The following GRID2 variants were observed in gnomAD, a reference collection of about 807,000 sequenced individuals.
GRID2 encodes the protein glutamate receptor ionotropic, delta-2.
A neutral mutation model predicts 114.8 loss-of-function variants in GRID2; 33 were observed. The observed-to-expected ratio is 0.29, with a 90% CI of 0.22 to 0.38. GRID2 has a LOEUF of 0.38. Among genes scored for constraint, GRID2 ranks in the 10% least tolerant of loss-of-function variants. The probability of loss-of-function intolerance (pLI) is 1.00; values close to 1 mark genes in which losing one functional copy is unlikely to be tolerated. For missense variants in GRID2, 1,184 were observed against 1,257.7 expected (o/e 0.94, Z 0.89); for synonymous variants, 505 against 449.9 (o/e 1.12, Z -1.55).
intron 4 of GRID2, among the ~76,000 whole-genome samples, chr4:93,139,449 G>A (rs1016788046): frequency 1.3e-5 from 2 of 152,168 alleles, no homozygotes; most frequent in Non-Finnish European, 2.9e-5. Flanking sequence ...GGGGGATGAT[G>A]GAGGTAGATC....
intron 2 of GRID2, among the ~76,000 whole-genome samples, chr4:92,740,476 G>T (rs1736817772): frequency 6.6e-6 from 1 of 152,132 alleles, no homozygotes; most frequent in African/African-American, 2.4e-5. Flanking sequence ...AACAGAGAGG[G>T]ATTATGCCAC....
At chr4:92,837,792 G>T (rs765958605) in intron 2 of GRID2, among the ~76,000 whole-genome samples, 1 of 151,952 alleles carries the variant, frequency 6.6e-6, no homozygotes, top group Non-Finnish European at 1.5e-5. Context: ...TTAATTGCAC[G>T]CAAATACATG....
intron 2 of GRID2, among the ~76,000 whole-genome samples, chr4:92,603,901 A>G (rs1327560332): frequency 6.6e-6 from 1 of 152,034 alleles, no homozygotes; most frequent in African/African-American, 2.4e-5. Context: ...CAAAAATAAA[A>G]TAAAAAAACA....
At chr4:92,547,282 T>C (rs17019545) in intron 1 of GRID2, among the ~76,000 whole-genome samples, 1 of 152,140 alleles carries the variant, frequency 6.6e-6, no homozygotes, top group Non-Finnish European at 1.5e-5. Context: ...TAGAATTAGC[T>C]TACCTTACTG....
chr4:92,738,951 C>G (rs1434784), intron 2 of GRID2, among the ~76,000 whole-genome samples: 1 of 151,866 alleles, frequency 6.6e-6, no homozygotes, highest in African/African-American at 2.4e-5. Context: ...TACAGGCAGG[C>G]GCCGTAACAC....
chr4:93,722,412 A>G (rs1207695717), intron 14 of GRID2, among the ~76,000 whole-genome samples: 1 of 152,200 alleles, frequency 6.6e-6, no homozygotes, highest in Non-Finnish European at 1.5e-5. Context: ...TTCTAAACTC[A>G]GAAACATATT....
chr4:92,776,969 A>G (rs1197001967), intron 2 of GRID2, among the ~76,000 whole-genome samples: 2 of 152,096 alleles, frequency 1.3e-5, no homozygotes, highest in African/African-American at 4.8e-5. Flanking sequence ...TAATTTTATC[A>G]CATAATTAAG....
chr4:93,107,609 G>T (rs575278263), intron 3 of GRID2, among the ~76,000 whole-genome samples: 113 of 152,190 alleles, frequency 7.4e-4, no homozygotes, highest in African/African-American at 2.6e-3. Flanking sequence ...CACAATCTCA[G>T]CTCACTGCAA....
chr4:92,651,417 G>A (rs1162570510), intron 2 of GRID2, among the ~76,000 whole-genome samples: 1 of 151,986 alleles, frequency 6.6e-6, no homozygotes, highest in Non-Finnish European at 1.5e-5. Context: ...TGCCTCCGTG[G>A]CCACTTTGTT....
chr4:92,752,331 A>G (rs1051185878), intron 2 of GRID2, among the ~76,000 whole-genome samples: 2 of 152,328 alleles, frequency 1.3e-5, no homozygotes, highest in South Asian at 2.1e-4. Context: ...AAAAAATACA[A>G]GAGATGAACA....
chr4:93,652,784 T>TAAAAAAA (rs200098114), intron 14 of GRID2, among the ~76,000 whole-genome samples: 30 of 86,376 alleles, frequency 3.5e-4, no homozygotes, highest in Admixed American at 6.0e-4. Context: ...CAGTAAATGC[T>TAAAAAAA]AAAAAAAAAA....
intron 14 of GRID2, among the ~76,000 whole-genome samples, chr4:93,749,144 G>A (rs549130894): frequency 6.6e-6 from 1 of 152,274 alleles, no homozygotes; most frequent in African/African-American, 2.4e-5. Context: ...TGAGGTGCGG[G>A]AAAGAAGAAG....
chr4:92,317,135 C>CT (rs1487540660), intron 1 of GRID2, among the ~76,000 whole-genome samples: 1 of 151,920 alleles, frequency 6.6e-6, no homozygotes, highest in Non-Finnish European at 1.5e-5. Context: ...ATAAAATTGC[C>CT]TTTTTTACTC....
chr4:93,168,372 C>G (rs933243910), intron 4 of GRID2, among the ~76,000 whole-genome samples: 3 of 152,044 alleles, frequency 2.0e-5, no homozygotes, highest in Admixed American at 1.3e-4. Flanking sequence ...TAGATGAAAT[C>G]TCATTAGATA....
chr4:92,974,942 G>A (rs948765304), intron 2 of GRID2, among the ~76,000 whole-genome samples: 1 of 79,328 alleles, frequency 1.3e-5, no homozygotes, highest in African/African-American at 5.2e-5. Flanking sequence ...CGGATCACAA[G>A]GTCAGGAGAT....
At chr4:93,516,242 G>A (rs1208170444) in intron 13 of GRID2, among the ~76,000 whole-genome samples, 2 of 152,088 alleles carry the variant, frequency 1.3e-5, no homozygotes, top group Admixed American at 6.6e-5. Context: ...CCAAGTCTGT[G>A]TTTCCTGTTC....
At chr4:93,381,249 C>T (rs1763826643) in intron 8 of GRID2, among the ~76,000 whole-genome samples, 1 of 152,024 alleles carries the variant, frequency 6.6e-6, no homozygotes, top group Admixed American at 6.6e-5. Flanking sequence ...CTCTGTCCAG[C>T]CCGTGGCAAC....
At chr4:93,518,304 GT>G (rs1180932122) in intron 13 of GRID2, among the ~76,000 whole-genome samples, 1 of 151,816 alleles carries the variant, frequency 6.6e-6, no homozygotes, top group Non-Finnish European at 1.5e-5. Context: ...AAAGAAATCT[GT>G]GTAAATGAGC....
At chr4:92,516,274 A>AAAC (rs1724496069) in intron 1 of GRID2, among the ~76,000 whole-genome samples, 1 of 151,910 alleles carries the variant, frequency 6.6e-6, no homozygotes, top group Non-Finnish European at 1.5e-5. Flanking sequence ...TTATAATGTC[A>AAAC]TTCATGTTGT....
Sources: allele counts gnomAD v4.1 joint callset (sites outside exome capture counted in the v4.1 genomes callset), GRCh38; gene constraint gnomAD v4.1.1; transcripts MANE v1.5; gene names NCBI Gene and HGNC (gene_info 2026-07-23, HGNC 2026-07-21).